Variants in YTHDC2 observed in about 807,000 individuals in gnomAD.
YTHDC2 encodes 3'-5' RNA helicase YTHDC2.
Under a neutral mutation model 174.9 loss-of-function variants are expected in YTHDC2, and 45 were observed. That is an observed-to-expected ratio of 0.26 (90% CI 0.20 to 0.33). The LOEUF (loss-of-function observed/expected upper bound fraction) is 0.33, where lower values mean the gene tolerates loss of function less well. YTHDC2 is among the 10% of genes least tolerant of loss of function. YTHDC2 has a pLI of 1.00. For missense variants in YTHDC2, 1,650 were observed against 1,723.7 expected (o/e 0.96, Z 0.76); for synonymous variants, 657 against 574.5 (o/e 1.14, Z -2.05).
Position 113,569,395 on chromosome 5 carries a change from G to A in YTHDC2, c.3244+1546G>A, listed in dbSNP as rs565478138. ...TGCTTTTGCTGCAATTGCTTTTGGC[G>A]TTTTTATCATGAAATCTTTGCCTGT... is the stretch of plus-strand genomic sequence containing the variant. On this transcript the variant is annotated intron_variant, in intron 23 of 29. Transcript: ENST00000161863. 9.9e-5 allele frequency among the ~76,000 whole-genome samples: 15 copies of A among 152,240 alleles called. No individual in the cohort carries two copies. The East Asian group carries it at 2.7e-3, about 27-fold the overall frequency.
chr5:113,519,960 T>A (rs1451492402), intron 2 of YTHDC2, among the ~76,000 whole-genome samples: 1 of 152,202 alleles, frequency 6.6e-6, no homozygotes, highest in Non-Finnish European at 1.5e-5. Flanking sequence ...GGTATACATG[T>A]GCCCTGGTGG....
At chr5:113,520,750 A>G (rs1458469804) in intron 2 of YTHDC2, among the ~76,000 whole-genome samples, 1 of 152,196 alleles carries the variant, frequency 6.6e-6, no homozygotes, top group Non-Finnish European at 1.5e-5. Context: ...CCATTTGTGT[A>G]CTAGTGTGGA....
At position 113,592,183 on chromosome 5, in the gene YTHDC2, A is replaced by G. The variant is rs749485355; in HGVS notation, c.4212+5A>G. The G allele has an allele frequency of 6.4e-7, 1 of 1,572,262 alleles. No individual in the cohort carries two copies. The highest frequency in any genetic ancestry group is 8.6e-7 in the Non-Finnish European group (1 of 1,168,070). Reference sequence around the variant, plus strand: ...CAGATAAGCAGGGATGGGCAGGTATACAATGGCATTTTTTTTTTTATTTAC... The same window carrying G: ...CAGATAAGCAGGGATGGGCAGGTATGCAATGGCATTTTTTTTTTTATTTAC... On this transcript the variant is annotated splice_donor_5th_base_variant and intron_variant, in intron 28 of 29. Transcript: ENST00000161863.
chr5:113,533,674 TTA>T (rs1774852398), intron 5 of YTHDC2, among the ~76,000 whole-genome samples: 1 of 152,200 alleles, frequency 6.6e-6, no homozygotes, highest in Non-Finnish European at 1.5e-5. Context: ...GATGTGAAGT[TTA>T]TAGTGAACAC....
Position 113,525,106 on chromosome 5 carries a change from C to T in YTHDC2, c.404C>T (p.Pro135Leu). The T allele has an allele frequency of 1.2e-6, 2 of 1,612,194 alleles. No homozygotes were observed. Among genetic ancestry groups the T allele is most frequent in the Non-Finnish European group, 1.7e-6 (2 of 1,179,024 alleles). ...GTTAGGAGCCTAATTCAAAGATTTCCTGTCACCAATAAAGAGCGTACAGAA... is the reference window on the plus strand; with the variant it reads ...GTTAGGAGCCTAATTCAAAGATTTCTTGTCACCAATAAAGAGCGTACAGAA... ...HAVRSLIQRFPVTNKERTELL... is the reference protein window; with the variant it reads ...HAVRSLIQRFLVTNKERTELL... Residue 135 changes from proline to leucine, a missense_variant, in exon 3 of 30, where the codon CCT (proline) becomes CTT (leucine). Transcript: ENST00000161863.
Position 113,567,115 on chromosome 5 carries a change from G to T in YTHDC2, c.2866G>T (p.Gly956Cys). 6.2e-7 allele frequency: 1 copy of T among 1,613,638 alleles called. No homozygotes were observed. The highest frequency in any genetic ancestry group is 1.1e-5 in the South Asian group (1 of 91,028). The change falls in exon 22 of 30, where the codon GGT becomes TGT. Residue 956 changes from glycine to cysteine, a missense_variant. By Grantham distance (159) the Gly-to-Cys change is radical (BLOSUM62 -3). Transcript: ENST00000161863. ...AGGTTTTGTTAGAGCACGAGGTGGTGGTGACATTCGGGACGTTAACACAAA... is the reference window on the plus strand; with the variant it reads ...AGGTTTTGTTAGAGCACGAGGTGGTTGTGACATTCGGGACGTTAACACAAA... ...ASGFVRARGG[G>C]DIRDVNTNSE...
chr5:113,580,980 CTA>C (rs1778368913), intron 24 of YTHDC2, among the ~76,000 whole-genome samples: 1 of 152,072 alleles, frequency 6.6e-6, no homozygotes, highest in South Asian at 2.1e-4. Context: ...GACTTTATCT[CTA>C]TGTGTATATT....
At chr5:113,553,444 G>C in intron 13 of YTHDC2, 85 bp downstream of exon 13, 1 of 1,425,334 alleles carries the variant, frequency 7.0e-7, no homozygotes, top group South Asian at 1.4e-5. Context: ...TTATATAATT[G>C]CACTGATAGT....
intron 23 of YTHDC2, among the ~76,000 whole-genome samples, chr5:113,577,892 T>G (rs1011023083): frequency 2.7e-4 from 41 of 152,154 alleles, no homozygotes; most frequent in Non-Finnish European, 4.9e-4. Flanking sequence ...TTTAGAAACA[T>G]TATTGCAGAC....
intron 18 of YTHDC2, among the ~76,000 whole-genome samples, chr5:113,561,959 TGTG>T: frequency 1.4e-5 from 1 of 71,492 alleles, no homozygotes; most frequent in South Asian, 4.0e-4. Flanking sequence ...TAATTGTGGG[TGTG>T]TGTGTGTGTG....
At position 113,543,520 on chromosome 5, in the gene YTHDC2, G is replaced by A. The variant is rs576179152; in HGVS notation, c.1495+1017G>A. Among the ~76,000 whole-genome samples, 14 of 152,154 alleles carry A rather than the reference G, an allele frequency of 9.2e-5. No homozygotes were observed. In the South Asian group the frequency reaches 2.9e-3, roughly 32 times the overall value. On this transcript the variant is annotated intron_variant, in intron 10 of 29. Coordinates refer to ENST00000161863, the MANE Select transcript of YTHDC2 (RefSeq NM_022828.5). ...CTAGTCCAAGCTAGCCTCTCTTCTG[G>A]ACTATTGCAGTAGCCCGTTAACCAT...
chr5:113,572,663 A>G (rs1338332152), intron 23 of YTHDC2, among the ~76,000 whole-genome samples: 2 of 152,206 alleles, frequency 1.3e-5, no homozygotes, highest in Non-Finnish European at 2.9e-5. Flanking sequence ...ATTAGCTTGC[A>G]TATATATTTA....
intron 2 of YTHDC2, among the ~76,000 whole-genome samples, chr5:113,520,379 A>G (rs1192871866): frequency 6.6e-6 from 1 of 152,230 alleles, no homozygotes; most frequent in African/African-American, 2.4e-5. Context: ...TAGAAATGAA[A>G]ATTATGGGTT....
At chr5:113,523,177 T>A (rs1773995019) in intron 2 of YTHDC2, among the ~76,000 whole-genome samples, 2 of 152,110 alleles carry the variant, frequency 1.3e-5, no homozygotes, top group African/African-American at 4.8e-5. Context: ...TAAAATACAA[T>A]TAAAGGTGAA....
intron 2 of YTHDC2, among the ~76,000 whole-genome samples, chr5:113,521,992 A>G (rs541683076): frequency 4.9e-4 from 75 of 152,172 alleles, no homozygotes; most frequent in African/African-American, 1.8e-3. Flanking sequence ...AAACTTTACT[A>G]CATTTCCAAT....
At chr5:113,529,216 C>G (rs1287924777) in intron 4 of YTHDC2, among the ~76,000 whole-genome samples, 1 of 152,108 alleles carries the variant, frequency 6.6e-6, no homozygotes, top group African/African-American at 2.4e-5. Context: ...AATTTCAAGA[C>G]ATGGAGGTTT....
At chr5:113,590,055 T>G (rs1778924992) in intron 26 of YTHDC2, among the ~76,000 whole-genome samples, 1 of 151,254 alleles carries the variant, frequency 6.6e-6, no homozygotes, top group Non-Finnish European at 1.5e-5. Context: ...TAAATGTGTC[T>G]GATTGCTCAT....
intron 4 of YTHDC2, among the ~76,000 whole-genome samples, chr5:113,528,088 A>T (rs1454932489): frequency 6.6e-6 from 1 of 152,212 alleles, no homozygotes; most frequent in Non-Finnish European, 1.5e-5. Context: ...AGCAGTTCTA[A>T]TTATATAGAA....
At chr5:113,542,994 C>A (rs1188160600) in intron 10 of YTHDC2, among the ~76,000 whole-genome samples, 1 of 152,118 alleles carries the variant, frequency 6.6e-6, no homozygotes, top group Non-Finnish European at 1.5e-5. Context: ...GTTTTCTTGG[C>A]AAGATCTTTT....
Sources: gnomAD v4.1 joint callset for allele counts (sites outside exome capture counted in the v4.1 genomes callset) on GRCh38, gnomAD v4.1.1 for gene constraint, MANE v1.5 for transcripts, NCBI Gene and HGNC (gene_info 2026-07-23, HGNC 2026-07-21) for gene names.